Variants in UGGT2 observed in about 807,000 individuals in gnomAD.
The protein encoded by UGGT2 is UDP-glucose glycoprotein glucosyltransferase 2.
In UGGT2, 180 loss-of-function variants were observed where a neutral mutation model predicts 192.1. That is an observed-to-expected ratio of 0.94 (90% CI 0.83 to 1.06). The LOEUF (loss-of-function observed/expected upper bound fraction) is 1.06. Ranked by LOEUF, UGGT2 falls within the 50% of genes least tolerant of loss-of-function variation. The probability of loss-of-function intolerance (pLI) is 0.00; values close to 1 mark genes in which losing one functional copy is unlikely to be tolerated. For missense variants in UGGT2, 1,849 were observed against 1,795.7 expected (o/e 1.03, Z -0.54); for synonymous variants, 580 against 591.0 (o/e 0.98, Z 0.27).
At chr13:96,042,266 C>T (rs1403807822) in intron 1 of UGGT2, among the ~76,000 whole-genome samples, 5 of 152,080 alleles carry the variant, frequency 3.3e-5, no homozygotes, top group African/African-American at 1.2e-4. Context: ...AGATCCAGAA[C>T]AATCTCTACA....
chr13:95,853,719 C>T, intron 35 of UGGT2, 62 bp from the exon 36 acceptor site: 3 of 1,131,284 alleles, frequency 2.7e-6, no homozygotes, highest in South Asian at 3.2e-5. Context: ...TTTTACTTTC[C>T]TCCAGTGAGT....
In UGGT2 at chr13:96,006,082, C is replaced by T. The variant is rs563877507; in HGVS notation, c.661-6775G>A. Reference sequence around the variant, plus strand: ...GGAACAAAAGTCTGAAGAGACAAATCAATCAACAATTTCAAAATCAGATGT... The same window carrying T: ...GGAACAAAAGTCTGAAGAGACAAATTAATCAACAATTTCAAAATCAGATGT... On this transcript the variant is annotated intron_variant, in intron 5 of 38. Coordinates refer to ENST00000376747, the MANE Select transcript of UGGT2 (RefSeq NM_020121.4). Among the ~76,000 whole-genome samples, 204 of 152,256 alleles carry T rather than the reference C, an allele frequency of 1.3e-3. 2 individuals are homozygous for T. The highest frequency in any genetic ancestry group is 2.5e-3 in the Non-Finnish European group (168 of 68,006).
At chr13:95,848,800 A>G (rs1329600094) in intron 36 of UGGT2, among the ~76,000 whole-genome samples, 1 of 152,160 alleles carries the variant, frequency 6.6e-6, no homozygotes, top group African/African-American at 2.4e-5. Context: ...TAGGTTGACA[A>G]TCATAAAACA....
intron 2 of UGGT2, among the ~76,000 whole-genome samples, chr13:96,031,666 G>A (rs1428489411): frequency 6.6e-6 from 1 of 151,980 alleles, no homozygotes; most frequent in Non-Finnish European, 1.5e-5. Flanking sequence ...ATCCAAACAT[G>A]ACTAATTATA....
At chr13:95,888,322 G>C (rs892307700) in intron 25 of UGGT2, among the ~76,000 whole-genome samples, 4 of 152,126 alleles carry the variant, frequency 2.6e-5, no homozygotes, top group African/African-American at 9.7e-5. Flanking sequence ...AATACAAAGT[G>C]GTGACCTTAC....
intron 36 of UGGT2, among the ~76,000 whole-genome samples, chr13:95,852,731 T>G (rs897271637): frequency 1.3e-5 from 2 of 152,162 alleles, no homozygotes; most frequent in African/African-American, 2.4e-5. Context: ...CTAAAATGTT[T>G]CAGATGCAAT....
rs763983883 is a variant in UGGT2, at chr13:95,894,560, A to C, written c.2855+2T>G. 6.2e-7 allele frequency: 1 copy of C among 1,608,878 alleles called. No individual in the cohort carries two copies. Among genetic ancestry groups the C allele is most frequent in the Non-Finnish European group, 8.5e-7 (1 of 1,176,686 alleles). On this transcript the variant is annotated splice_donor_variant, in intron 24 of 38. Transcript: ENST00000376747. LOFTEE classifies it high-confidence loss of function. Reference sequence around the variant, plus strand: ...CACAAACAAATACGAATACATTCTTACCTGTGATTCTCCCTAAGAAATGTG... The same window carrying C: ...CACAAACAAATACGAATACATTCTTCCCTGTGATTCTCCCTAAGAAATGTG...
At chr13:95,945,862 G>A (rs2049848858) in intron 15 of UGGT2, among the ~76,000 whole-genome samples, 1 of 152,046 alleles carries the variant, frequency 6.6e-6, no homozygotes, top group African/African-American at 2.4e-5. Context: ...CTATACTCTA[G>A]CTCAGTGAAT....
chr13:95,835,529 A>G (rs1193828898), intron 37 of UGGT2, among the ~76,000 whole-genome samples: 1 of 152,120 alleles, frequency 6.6e-6, no homozygotes, highest in East Asian at 1.9e-4. Flanking sequence ...TATTCTACCA[A>G]CTATGATTAC....
intron 20 of UGGT2, among the ~76,000 whole-genome samples, chr13:95,904,255 C>T (rs893147938): frequency 2.0e-5 from 3 of 151,766 alleles, no homozygotes; most frequent in Non-Finnish European, 4.4e-5. Flanking sequence ...ATTTTAGAAA[C>T]CTTTCTCTAC....
At chr13:95,971,900 T>C (rs1327241529) in intron 11 of UGGT2, among the ~76,000 whole-genome samples, 1 of 152,178 alleles carries the variant, frequency 6.6e-6, no homozygotes, top group Non-Finnish European at 1.5e-5. Flanking sequence ...TCAAATAATT[T>C]CACTTCAACA....
intron 19 of UGGT2, 137 bp downstream of exon 19, chr13:95,926,891 A>T (rs2049031322): frequency 1.3e-6 from 1 of 777,928 alleles, no homozygotes; most frequent in Non-Finnish European, 2.0e-6. Context: ...ATACTAAAAA[A>T]TTTACAAACT....
intron 29 of UGGT2, among the ~76,000 whole-genome samples, chr13:95,871,238 A>G (rs1420435278): frequency 1.3e-5 from 2 of 152,236 alleles, no homozygotes; most frequent in East Asian, 3.9e-4. Context: ...CTGAAACACC[A>G]ATGAGATAGC....
intron 1 of UGGT2, among the ~76,000 whole-genome samples, chr13:96,052,043 A>G (rs1205156045): frequency 1.3e-5 from 2 of 152,220 alleles, no homozygotes; most frequent in Non-Finnish European, 2.9e-5. Context: ...TAGCAGCACA[A>G]TTCACAAGTG....
In UGGT2 at chr13:96,053,226, G is replaced by C; in HGVS notation, c.87C>G (p.Val29=). The C allele has an allele frequency of 1.9e-6, 3 of 1,541,864 alleles. No homozygotes were observed. The highest frequency in any genetic ancestry group is 2.6e-6 in the Non-Finnish European group (3 of 1,151,008). ...GGGCAGTCACCGACTTGGACGCGGC[G>C]ACCGTCCCGGAGCCGAGCTGCGAAA... ...LWLSQLGSGT[V]AASKSVTAHL... Residue 29 remains valine, a synonymous_variant, in exon 1 of 39, where the codon GTC becomes GTG. Coordinates refer to ENST00000376747, the MANE Select transcript of UGGT2 (RefSeq NM_020121.4).
At chr13:96,018,268 C>A (rs1434869700) in intron 4 of UGGT2, among the ~76,000 whole-genome samples, 3 of 152,138 alleles carry the variant, frequency 2.0e-5, no homozygotes, top group Admixed American at 6.5e-5. Context: ...GTAATCCCAG[C>A]ACTCTGGGAG....
intron 4 of UGGT2, among the ~76,000 whole-genome samples, chr13:96,014,956 C>A (rs1338601087): frequency 1.3e-5 from 2 of 152,004 alleles, no homozygotes; most frequent in African/African-American, 2.4e-5. Flanking sequence ...CTGAAAAATT[C>A]TTCCTTCAAA....
At chr13:95,861,047 A>T (rs1242174592) in intron 31 of UGGT2, among the ~76,000 whole-genome samples, 164 bp from the exon 32 acceptor site, 1 of 152,136 alleles carries the variant, frequency 6.6e-6, no homozygotes, top group Non-Finnish European at 1.5e-5. Flanking sequence ...TGACAATATC[A>T]TTTGAAGCTT....
chr13:95,876,242 C>T (rs573082153), intron 29 of UGGT2, among the ~76,000 whole-genome samples: 172 of 152,120 alleles, frequency 1.1e-3, no homozygotes, highest in Non-Finnish European at 2.2e-3. Flanking sequence ...CCAGGGATAA[C>T]GGTGTTGTTA....
Sources: gnomAD v4.1 joint callset for allele counts (sites outside exome capture counted in the v4.1 genomes callset) on GRCh38, gnomAD v4.1.1 for gene constraint, MANE v1.5 for transcripts, NCBI Gene and HGNC (gene_info 2026-07-23, HGNC 2026-07-21) for gene names.